The following CMIP variants were observed in gnomAD, a reference collection of about 807,000 sequenced individuals.
CMIP encodes C-Maf-inducing protein.
A neutral mutation model predicts 97.3 loss-of-function variants in CMIP; 13 were observed. That is an observed-to-expected ratio of 0.13 (90% CI 0.09 to 0.21). The LOEUF (loss-of-function observed/expected upper bound fraction) is 0.21, where lower values mean the gene tolerates loss of function less well. Ranked by LOEUF, CMIP falls within the 10% of genes least tolerant of loss-of-function variation. The pLI is 1.00. For missense variants in CMIP, 847 were observed against 1,024.9 expected, an observed-to-expected ratio of 0.83 and a Z score of 2.37; for synonymous variants, 538 against 436.3, an observed-to-expected ratio of 1.23 and a Z score of -2.91.
chr16:81,469,684 G>T (rs145627146), intron 1 of CMIP, among the ~76,000 whole-genome samples: 55 of 152,336 alleles, frequency 3.6e-4, no homozygotes, highest in African/African-American at 9.1e-4. Context: ...GTTCTTCAGA[G>T]AACTCACTAT....
At chr16:81,549,368 G>A (rs1214321881) in intron 1 of CMIP, among the ~76,000 whole-genome samples, 1 of 152,210 alleles carries the variant, frequency 6.6e-6, no homozygotes, top group African/African-American at 2.4e-5. Context: ...CACATCTGCT[G>A]TTTCTTCATT....
rs1045691402 is a variant in CMIP, at chr16:81,709,938, G to T, written c.*139G>T. 1 of 625,210 alleles carries T rather than the reference G, an allele frequency of 1.6e-6. No homozygotes were observed. The highest frequency in any genetic ancestry group is 1.8e-5 in the African/African-American group (1 of 54,328). 38.7% of individuals were successfully genotyped at this position (625,210 alleles called of 1,614,324 possible). A position where few individuals can be genotyped will look rare whatever the true frequency, so the allele number is the denominator to read the frequency against. ...GATGGGGAGTCTTTCTGGGGGCGGA[G>T]GGGGGAGGGGGTGGGGAGGGGGCCC... On this transcript the variant is annotated 3_prime_UTR_variant, in exon 21 of 21. Coordinates refer to ENST00000537098, the MANE Select transcript of CMIP (RefSeq NM_198390.3).
intron 1 of CMIP, among the ~76,000 whole-genome samples, chr16:81,514,079 C>T (rs1267314971): frequency 2.6e-5 from 4 of 152,184 alleles, no homozygotes; most frequent in African/African-American, 7.2e-5. Flanking sequence ...TGTTGATGTC[C>T]AGTGAATCTT....
Position 81,445,099 on chromosome 16 carries a change from C to T in CMIP, c.-143C>T, listed in dbSNP as rs1461468585. On this transcript the variant is annotated 5_prime_UTR_variant, in exon 1 of 21. Transcript: ENST00000537098. Reference sequence around the variant, plus strand: ...CGCCCCCCGCGGGCAGCGCCCCCTCCCCTGCGGGCGCCCCCAGCCCCACAC... The same window carrying T: ...CGCCCCCCGCGGGCAGCGCCCCCTCTCCTGCGGGCGCCCCCAGCCCCACAC... 1.2e-5 allele frequency: 4 copies of T among 325,282 alleles called. No homozygotes were observed. Among genetic ancestry groups the T allele is most frequent in the Non-Finnish European group, 2.2e-5 (4 of 182,024 alleles). 20.1% of individuals were successfully genotyped at this position (325,282 alleles called of 1,614,324 possible). A position where few individuals can be genotyped will look rare whatever the true frequency, so the allele number is the denominator to read the frequency against.
intron 1 of CMIP, chr16:81,495,444 G>C (rs774647225): frequency 5.6e-6 from 9 of 1,610,788 alleles, no homozygotes; most frequent in Middle Eastern, 1.7e-4. Context: ...GAGGAGGGAA[G>C]TTACAGATCT....
intron 3 of CMIP, among the ~76,000 whole-genome samples, chr16:81,629,165 A>T (rs931109891): frequency 2.8e-5 from 4 of 145,104 alleles, no homozygotes; most frequent in African/African-American, 1.0e-4. Context: ...AAAAAAAAAA[A>T]AGATAATGTG....
intron 1 of CMIP, among the ~76,000 whole-genome samples, chr16:81,588,494 G>A (rs1408870863): frequency 6.6e-6 from 1 of 152,184 alleles, no homozygotes; most frequent in Non-Finnish European, 1.5e-5. Flanking sequence ...TGTACCTTGG[G>A]AGGCGCTGAG....
At chr16:81,555,483 A>T (rs986292604) in intron 1 of CMIP, among the ~76,000 whole-genome samples, 7 of 152,204 alleles carry the variant, frequency 4.6e-5, no homozygotes, top group African/African-American at 1.7e-4. Context: ...ACCCTACAGG[A>T]TGCACACAGA....
chr16:81,610,858 G>T (rs2091820095), intron 2 of CMIP, among the ~76,000 whole-genome samples: 1 of 152,150 alleles, frequency 6.6e-6, no homozygotes, highest in Admixed American at 6.5e-5. Context: ...GCTGTACTTT[G>T]TCTTGATTCA....
At chr16:81,569,985 C>G (rs2091055304) in intron 1 of CMIP, among the ~76,000 whole-genome samples, 1 of 150,742 alleles carries the variant, frequency 6.6e-6, no homozygotes, top group African/African-American at 2.5e-5. Context: ...TCAGCTTTCA[C>G]TAACTTCTTC....
At chr16:81,651,342 G>A in intron 3 of CMIP, 1 of 768,642 alleles carries the variant, frequency 1.3e-6, no homozygotes, top group Non-Finnish European at 1.6e-6. Context: ...ATGTCAGAGA[G>A]GCGGAACTAA....
At chr16:81,494,562 G>C (rs2089456589) in intron 1 of CMIP, among the ~76,000 whole-genome samples, 1 of 152,136 alleles carries the variant, frequency 6.6e-6, no homozygotes, top group Non-Finnish European at 1.5e-5. Context: ...TATCAAAGAG[G>C]GTCAGGAGGA....
chr16:81,484,158 C>T (rs933251340), intron 1 of CMIP, among the ~76,000 whole-genome samples: 3 of 152,156 alleles, frequency 2.0e-5, no homozygotes, highest in Non-Finnish European at 4.4e-5. Flanking sequence ...CCACCAACTC[C>T]AGGTCAGCTC....
At chr16:81,478,603 C>T (rs1316494653) in intron 1 of CMIP, among the ~76,000 whole-genome samples, 1 of 152,140 alleles carries the variant, frequency 6.6e-6, no homozygotes, top group African/African-American at 2.4e-5. Context: ...GTGTGGTCCC[C>T]TCCACCCTCC....
At chr16:81,454,363 C>A (rs191894098) in intron 1 of CMIP, among the ~76,000 whole-genome samples, 1 of 152,176 alleles carries the variant, frequency 6.6e-6, no homozygotes, top group Non-Finnish European at 1.5e-5. Context: ...GGTCTGACCC[C>A]GTGTCTGTGT....
chr16:81,578,022 A>G (rs887407948), intron 1 of CMIP, among the ~76,000 whole-genome samples: 3 of 151,794 alleles, frequency 2.0e-5, no homozygotes, highest in Admixed American at 1.3e-4. Context: ...CACCACCATC[A>G]TCCCCATTAC....
At chr16:81,531,297 C>T (rs2090230651) in intron 1 of CMIP, among the ~76,000 whole-genome samples, 1 of 152,184 alleles carries the variant, frequency 6.6e-6, no homozygotes, top group African/African-American at 2.4e-5. Context: ...CCAGAAGCCC[C>T]AGAAGCTGAG....
intron 5 of CMIP, among the ~76,000 whole-genome samples, chr16:81,660,259 G>A (rs774428650): frequency 2.6e-5 from 4 of 151,794 alleles, no homozygotes; most frequent in Non-Finnish European, 5.9e-5. Flanking sequence ...CATTTTGCAA[G>A]TATTTCTTTT....
intron 1 of CMIP, among the ~76,000 whole-genome samples, chr16:81,490,818 A>G (rs562907649): frequency 1.3e-5 from 2 of 152,150 alleles, no homozygotes; most frequent in East Asian, 3.9e-4. Context: ...AAGGAGAGCA[A>G]ATGCACAGGC....
Sources: gnomAD v4.1 joint callset for allele counts (sites outside exome capture counted in the v4.1 genomes callset) on GRCh38, gnomAD v4.1.1 for gene constraint, MANE v1.5 for transcripts, NCBI Gene and HGNC (gene_info 2026-07-23, HGNC 2026-07-21) for gene names.